The following KLHL32 variants were observed in gnomAD, a reference collection of about 807,000 sequenced individuals.
KLHL32 encodes kelch like family member 32, also known as kelch-like protein 32.
A neutral mutation model predicts 64.8 loss-of-function variants in KLHL32; 35 were observed. The ratio of observed to expected loss-of-function variants is 0.54; its 90% CI spans 0.41 to 0.72. KLHL32 has a LOEUF of 0.72. Ranked by LOEUF, KLHL32 falls within the 30% of genes least tolerant of loss-of-function variation. The pLI is 0.00. For synonymous variants in KLHL32, 259 were observed against 281.0 expected (o/e 0.92, Z 0.78); for missense variants, 589 against 768.5 (o/e 0.77, Z 2.76).
chr6:97,061,734 T>TC (rs746501968), intron 4 of KLHL32, among the ~76,000 whole-genome samples: 5 of 152,216 alleles, frequency 3.3e-5, no homozygotes, highest in Non-Finnish European at 7.3e-5. Context: ...TCCCTTTTTT[T>TC]CTGCAGAGGT....
chr6:96,925,788 T>C (rs969644008), intron 1 of KLHL32, among the ~76,000 whole-genome samples: 2 of 152,208 alleles, frequency 1.3e-5, no homozygotes, highest in African/African-American at 4.8e-5. Context: ...TGCATCAGTA[T>C]TGAAGCGCAG....
In KLHL32 at chr6:97,085,252, G is replaced by A; in HGVS notation, c.538G>A (p.Glu180Lys). 5.0e-6 allele frequency: 8 copies of A among 1,613,984 alleles called. No homozygotes were observed. The highest frequency in any genetic ancestry group is 6.8e-6 in the Non-Finnish European group (8 of 1,180,030). ...HLSELLKSRP[E>K]EVLTLPYCLL... Reference sequence around the variant, plus strand: ...CTCTGAACTCCTGAAGAGCCGCCCAGAAGAAGTTCTAACGCTTCCCTATTG... The same window carrying A: ...CTCTGAACTCCTGAAGAGCCGCCCAAAAGAAGTTCTAACGCTTCCCTATTG... The change falls in exon 6 of 11, where the codon GAA becomes AAA. Residue 180 changes from glutamate to lysine, a missense_variant. Physicochemically the swap from Glu to Lys is moderately conservative, Grantham distance 56 (BLOSUM62 1). Transcript: ENST00000369261.
At chr6:96,935,546 A>G (rs1242878925) in intron 1 of KLHL32, among the ~76,000 whole-genome samples, 1 of 152,196 alleles carries the variant, frequency 6.6e-6, no homozygotes, top group Non-Finnish European at 1.5e-5. Context: ...CGCGTCTATC[A>G]TCAATTGATT....
At chr6:97,125,176 A>G (rs553026038) in intron 7 of KLHL32, among the ~76,000 whole-genome samples, 70 of 152,338 alleles carry the variant, frequency 4.6e-4, no homozygotes, top group African/African-American at 1.6e-3. Flanking sequence ...CCTCTAGTTA[A>G]TAATAGCCAA....
chr6:96,907,971 A>G, the KLHL32 span, among the ~76,000 whole-genome samples: 1 of 152,206 alleles, frequency 6.6e-6, no homozygotes, highest in African/African-American at 2.4e-5. Flanking sequence ...AGATACATGG[A>G]CTCATAAATA....
chr6:97,070,133 A>G (rs1790476085), intron 5 of KLHL32, among the ~76,000 whole-genome samples: 1 of 152,146 alleles, frequency 6.6e-6, no homozygotes, highest in Non-Finnish European at 1.5e-5. Context: ...TAATATACTC[A>G]TAATCAAATG....
At chr6:96,956,724 A>G (rs1444036582) in intron 1 of KLHL32, among the ~76,000 whole-genome samples, 1 of 152,166 alleles carries the variant, frequency 6.6e-6, no homozygotes, top group Admixed American at 6.5e-5. Context: ...TCTTCTGGGA[A>G]AAAAGCTCAT....
chr6:97,033,518 T>C (rs1783873824), intron 3 of KLHL32, among the ~76,000 whole-genome samples: 1 of 152,148 alleles, frequency 6.6e-6, no homozygotes, highest in African/African-American at 2.4e-5. Context: ...AAGATACTAA[T>C]TTCATTTTCT....
intron 3 of KLHL32, among the ~76,000 whole-genome samples, chr6:96,998,953 G>GTT (rs752047687): frequency 1.6e-4 from 24 of 152,030 alleles, no homozygotes; most frequent in East Asian, 9.6e-4. Flanking sequence ...CTAGAACAAC[G>GTT]TTAGTTAGAA....
At chr6:97,112,359 G>A (rs1410390694) in intron 6 of KLHL32, among the ~76,000 whole-genome samples, 2 of 152,140 alleles carry the variant, frequency 1.3e-5, no homozygotes, top group Non-Finnish European at 2.9e-5. Context: ...ATGCTGGTGT[G>A]TGGGAAGGTT....
chr6:97,040,734 A>G (rs1373739844), intron 3 of KLHL32, among the ~76,000 whole-genome samples: 1 of 152,158 alleles, frequency 6.6e-6, no homozygotes, highest in Non-Finnish European at 1.5e-5. Context: ...CCACATGTCA[A>G]GGGAGAGACC....
chr6:96,926,221 ATCT>A (rs1287338362), intron 1 of KLHL32, among the ~76,000 whole-genome samples: 1 of 152,228 alleles, frequency 6.6e-6, no homozygotes, highest in Non-Finnish European at 1.5e-5. Flanking sequence ...ATATTTGTTC[ATCT>A]TTTCTACTTC....
chr6:97,117,255 T>G (rs1178460343), intron 7 of KLHL32, among the ~76,000 whole-genome samples: 1 of 152,230 alleles, frequency 6.6e-6, no homozygotes, highest in African/African-American at 2.4e-5. Context: ...CTATTCCTTA[T>G]CCTTTACCAA....
At chr6:97,062,669 T>G in intron 4 of KLHL32, among the ~76,000 whole-genome samples, 1 of 152,240 alleles carries the variant, frequency 6.6e-6, no homozygotes, top group Admixed American at 6.5e-5. Context: ...AGTAACTTCA[T>G]GAATATTGAG....
chr6:96,928,725 A>G (rs1769479718), intron 1 of KLHL32, among the ~76,000 whole-genome samples: 1 of 152,196 alleles, frequency 6.6e-6, no homozygotes, highest in Non-Finnish European at 1.5e-5. Flanking sequence ...TTTTATATGA[A>G]TTCATTTGGA....
At chr6:96,902,247 CTGTTTT>C in the KLHL32 span, among the ~76,000 whole-genome samples, 457 of 152,222 alleles carry the variant, frequency 3.0e-3, 1 homozygote, top group African/African-American at 5.2e-3. Flanking sequence ...TTGCCAGCAT[CTGTTTT>C]TGTTTTTGTT....
intron 6 of KLHL32, among the ~76,000 whole-genome samples, 170 bp from the exon 7 acceptor site, chr6:97,113,613 C>T (rs1009907146): frequency 5.9e-5 from 9 of 152,032 alleles, no homozygotes; most frequent in Admixed American, 1.3e-4. Context: ...TTTGCTGAGA[C>T]GGAAAAAAAG....
chr6:97,055,123 C>T (rs1787592909), intron 4 of KLHL32, among the ~76,000 whole-genome samples: 1 of 152,108 alleles, frequency 6.6e-6, no homozygotes, highest in Non-Finnish European at 1.5e-5. Context: ...TAATCTGTTT[C>T]CCTAGTAAAT....
At chr6:96,994,139 C>A (rs992732477) in intron 3 of KLHL32, among the ~76,000 whole-genome samples, 4 of 152,158 alleles carry the variant, frequency 2.6e-5, no homozygotes, top group African/African-American at 9.7e-5. Flanking sequence ...TGCCAAAATG[C>A]AAGAAACTCA....
Sources: gnomAD v4.1 joint callset for allele counts (sites outside exome capture counted in the v4.1 genomes callset) on GRCh38, gnomAD v4.1.1 for gene constraint, MANE v1.5 for transcripts, NCBI Gene and HGNC (gene_info 2026-07-23, HGNC 2026-07-21) for gene names.